ARL5B: variants seen among roughly 807,000 people sequenced by gnomAD.
ARL5B encodes ARF like GTPase 5B.
In ARL5B, 10 loss-of-function variants were observed where a neutral mutation model predicts 26.9. That is an observed-to-expected ratio of 0.37 (90% CI 0.23 to 0.63). The LOEUF (loss-of-function observed/expected upper bound fraction) is 0.63, where lower values mean the gene tolerates loss of function less well. Among genes scored for constraint, ARL5B ranks in the 30% least tolerant of loss-of-function variants. The pLI is 0.62. For missense variants in ARL5B, 167 were observed against 213.9 expected (o/e 0.78, Z 1.37); for synonymous variants, 87 against 70.4 (o/e 1.24, Z -1.18).
chr10:18,660,506 G>T (rs2059827366), intron 1 of ARL5B, among the ~76,000 whole-genome samples: 2 of 152,092 alleles, frequency 1.3e-5, no homozygotes, highest in Non-Finnish European at 1.5e-5. Flanking sequence ...AAATCAACTC[G>T]TTTCATTTTA....
intron 1 of ARL5B, among the ~76,000 whole-genome samples, chr10:18,665,848 G>C (rs1314507919): frequency 6.6e-6 from 1 of 152,148 alleles, no homozygotes; most frequent in East Asian, 1.9e-4. Context: ...GGACATTGCA[G>C]AATATATACC....
At chr10:18,672,228 T>G (rs573724927) in intron 3 of ARL5B, among the ~76,000 whole-genome samples, 1 of 152,354 alleles carries the variant, frequency 6.6e-6, no homozygotes, top group Non-Finnish European at 1.5e-5. Context: ...AAGCAATTAT[T>G]GACTGTTTAG....
chr10:18,671,739 A>C (rs1347270382), intron 3 of ARL5B, among the ~76,000 whole-genome samples: 1 of 150,574 alleles, frequency 6.6e-6, no homozygotes, highest in African/African-American at 2.4e-5. Flanking sequence ...CATGATTCTC[A>C]GTACAGCCTC....
intron 1 of ARL5B, among the ~76,000 whole-genome samples, chr10:18,663,371 A>T (rs1476597450): frequency 6.6e-6 from 1 of 152,162 alleles, no homozygotes; most frequent in Non-Finnish European, 1.5e-5. Flanking sequence ...CTTTTTCAGA[A>T]CCATGTAACA....
At position 18,675,997 on chromosome 10, in the gene ARL5B, T is replaced by C. The variant is rs1204996041; in HGVS notation, c.*781T>C. The C allele has an allele frequency of 6.6e-6, 1 of 152,134 alleles. No homozygotes were observed. The highest frequency in any genetic ancestry group is 2.4e-5 in the African/African-American group (1 of 41,444). 9.4% of individuals were successfully genotyped at this position (152,134 alleles called of 1,614,324 possible). ...ATTTTAAGAATATCACATTATTCAATGCATATAAAACTATCAGAAGTTAGT... is the reference window on the plus strand; with the variant it reads ...ATTTTAAGAATATCACATTATTCAACGCATATAAAACTATCAGAAGTTAGT... On this transcript the variant is annotated 3_prime_UTR_variant, in exon 6 of 6. Coordinates refer to ENST00000377275, the MANE Select transcript of ARL5B (RefSeq NM_178815.5).
rs2059915267 is a variant in ARL5B, at chr10:18,677,479, T to C, written c.*2263T>C. The stretch of plus-strand genomic sequence containing the variant: ...AAATTGGCATCAGTGTAGACGGTGC[T>C]GATTGGGAAAAGTTCATGATTAGGA... On this transcript the variant is annotated 3_prime_UTR_variant, in exon 6 of 6. Transcript: ENST00000377275. The C allele has an allele frequency of 6.6e-6, 1 of 152,234 alleles. No homozygotes were observed. Among genetic ancestry groups the C allele is most frequent in the African/African-American group, 2.4e-5 (1 of 41,426 alleles). The allele number at this position is 152,234 out of a possible 1,614,324, so 9.4% of individuals were successfully genotyped here.
At chr10:18,665,728 A>G (rs923798091) in intron 1 of ARL5B, among the ~76,000 whole-genome samples, 2 of 152,216 alleles carry the variant, frequency 1.3e-5, no homozygotes, top group African/African-American at 4.8e-5. Flanking sequence ...GTTGATGTTA[A>G]CTTGTAACTT....
At chr10:18,669,602 T>C (rs1463628404) in intron 3 of ARL5B, among the ~76,000 whole-genome samples, 1 of 152,190 alleles carries the variant, frequency 6.6e-6, no homozygotes, top group East Asian at 1.9e-4. Flanking sequence ...GAGAGATTTA[T>C]CCTTGATAGT....
chr10:18,678,555 C>A lies in ARL5B; in HGVS notation c.*3339C>A, dbSNP rs893161380. 8 of 151,692 alleles carry A rather than the reference C, an allele frequency of 5.3e-5. No homozygotes were observed. Among genetic ancestry groups the A allele is most frequent in the Admixed American group, 6.6e-5 (1 of 15,220 alleles). The allele number at this position is 151,692 out of a possible 1,614,324, so 9.4% of individuals were successfully genotyped here. On this transcript the variant is annotated 3_prime_UTR_variant, in exon 6 of 6. Coordinates refer to ENST00000377275, the MANE Select transcript of ARL5B (RefSeq NM_178815.5). ...TATAAACATAATCATTCTGAATAATCAATTTTTATTTAGTCCTTAACTATG... is the reference window on the plus strand; with the variant it reads ...TATAAACATAATCATTCTGAATAATAAATTTTTATTTAGTCCTTAACTATG...
Position 18,676,478 on chromosome 10 carries a change from T to C in ARL5B, c.*1262T>C, listed in dbSNP as rs1279228464. 6.6e-6 allele frequency: 1 copy of C among 152,006 alleles called. No individual in the cohort carries two copies. The highest frequency in any genetic ancestry group is 6.5e-5 in the Admixed American group (1 of 15,268). The allele number at this position is 152,006 out of a possible 1,614,324, so 9.4% of individuals were successfully genotyped here. ...TTATTGGATGGCATTAAAACATTTT[T>C]GAGGCAGTTGTCTAATATGAACAAT... On this transcript the variant is annotated 3_prime_UTR_variant, in exon 6 of 6. Transcript: ENST00000377275.
At chr10:18,661,519 C>G (rs1287356338) in intron 1 of ARL5B, among the ~76,000 whole-genome samples, 3 of 152,158 alleles carry the variant, frequency 2.0e-5, no homozygotes, top group African/African-American at 7.2e-5. Flanking sequence ...AGTGATTATT[C>G]TGTTATTTTA....
intron 3 of ARL5B, among the ~76,000 whole-genome samples, chr10:18,669,980 C>T (rs911725714): frequency 7.7e-5 from 10 of 130,646 alleles, no homozygotes; most frequent in African/African-American, 2.4e-4. Context: ...GGTGACAAAA[C>T]GAGACTCTTA....
chr10:18,663,528 T>C (rs1420572721), intron 1 of ARL5B, among the ~76,000 whole-genome samples: 3 of 151,076 alleles, frequency 2.0e-5, no homozygotes, highest in Admixed American at 6.6e-5. Context: ...CACATTTCTC[T>C]CTTTAGCTTA....
intron 4 of ARL5B, among the ~76,000 whole-genome samples, 193 bp from the exon 5 acceptor site, chr10:18,673,791 C>G (rs889035348): frequency 1.3e-5 from 2 of 149,284 alleles, no homozygotes; most frequent in African/African-American, 4.9e-5. Context: ...CAGTTCGACT[C>G]AAAAATAAAA....
chr10:18,664,821 A>T (rs1310859974), intron 1 of ARL5B, among the ~76,000 whole-genome samples: 1 of 152,122 alleles, frequency 6.6e-6, no homozygotes, highest in Non-Finnish European at 1.5e-5. Flanking sequence ...TTTTACCATC[A>T]CAGGCCTTCA....
rs2059925370 is a variant in ARL5B at position 18,679,878 on chromosome 10, A to G, written c.*4662A>G. On this transcript the variant is annotated 3_prime_UTR_variant, in exon 6 of 6. Transcript: ENST00000377275. ...CTCTCCTCGTATTTAGGGTACTTAA[A>G]ATTACTAAAAAATACTGTCTTTTTA... 6.6e-6 allele frequency: 1 copy of G among 151,948 alleles called. No homozygotes were observed. Among genetic ancestry groups the G allele is most frequent in the Non-Finnish European group, 1.5e-5 (1 of 67,854 alleles). The allele number at this position is 151,948 out of a possible 1,614,324, so 9.4% of individuals were successfully genotyped here. A position where few individuals can be genotyped will look rare whatever the true frequency, so the allele number is the denominator to read the frequency against.
intron 3 of ARL5B, among the ~76,000 whole-genome samples, chr10:18,671,032 A>G (rs899823146): frequency 6.6e-6 from 1 of 150,858 alleles, no homozygotes; most frequent in South Asian, 2.1e-4. Flanking sequence ...GTATTAAGTA[A>G]TTATTGACAC....
At position 18,678,586 on chromosome 10, in the gene ARL5B, C is replaced by T. The variant is rs2059919925; in HGVS notation, c.*3370C>T. 1 of 151,720 alleles carries T rather than the reference C, an allele frequency of 6.6e-6. No individual in the cohort carries two copies. The highest frequency in any genetic ancestry group is 1.5e-5 in the Non-Finnish European group (1 of 67,772). 9.4% of individuals were successfully genotyped at this position (151,720 alleles called of 1,614,324 possible). On this transcript the variant is annotated 3_prime_UTR_variant, in exon 6 of 6. Transcript: ENST00000377275. The stretch of plus-strand genomic sequence containing the variant: ...TTATTTAGTCCTTAACTATGTAAAA[C>T]CGTATCAGTAGAAAAATGTGCTGGT...
intron 2 of ARL5B, 119 bp from the exon 3 acceptor site, chr10:18,668,411 C>T (rs2059871170): frequency 9.8e-7 from 1 of 1,019,986 alleles, no homozygotes; most frequent in African/African-American, 1.6e-5. Context: ...TTATAATTTT[C>T]ATGCTAATGA....
Sources: gnomAD v4.1 joint callset for allele counts (sites outside exome capture counted in the v4.1 genomes callset) on GRCh38, gnomAD v4.1.1 for gene constraint, MANE v1.5 for transcripts, NCBI Gene and HGNC (gene_info 2026-07-23, HGNC 2026-07-21) for gene names.